KCNQ5: variants seen among roughly 807,000 people sequenced by gnomAD.
KCNQ5 encodes the protein potassium voltage-gated channel subfamily KQT member 5.
In KCNQ5, 30 loss-of-function variants were observed where a neutral mutation model predicts 98.2. The ratio of observed to expected loss-of-function variants is 0.31; its 90% CI spans 0.23 to 0.41. The LOEUF is 0.41. Ranked by LOEUF, KCNQ5 falls within the 10% of genes least tolerant of loss-of-function variation. The pLI, the probability that KCNQ5 is intolerant of heterozygous loss-of-function variation, is 1.00. For missense variants in KCNQ5, 835 were observed against 1,182.5 expected, an observed-to-expected ratio of 0.71 and a Z score of 4.31; for synonymous variants, 458 against 449.4, an observed-to-expected ratio of 1.02 and a Z score of -0.24.
intron 6 of KCNQ5, among the ~76,000 whole-genome samples, chr6:73,105,734 G>C (rs1774971274): frequency 6.6e-6 from 1 of 152,196 alleles, no homozygotes; most frequent in Non-Finnish European, 1.5e-5. Context: ...CTACTTAAGA[G>C]ACAGATGTGC....
At position 73,097,380 on chromosome 6, in the gene KCNQ5, T is replaced by C. The variant is rs142732775; in HGVS notation, c.919-7877T>C. Reference sequence around the variant, plus strand: ...ATCTCATGAGATGCAGAAACATCATTTGATCAAATTTTATTTCATAATAAA... The same window carrying C: ...ATCTCATGAGATGCAGAAACATCATCTGATCAAATTTTATTTCATAATAAA... On this transcript the variant is annotated intron_variant, in intron 5 of 13. Transcript: ENST00000370398. Among the ~76,000 whole-genome samples, 66 of 152,172 alleles carry C rather than the reference T, an allele frequency of 4.3e-4. No individual in the cohort carries two copies. In the East Asian group the frequency reaches 0.012, roughly 28 times the overall value.
chr6:72,750,489 T>C (rs1438634793), intron 1 of KCNQ5, among the ~76,000 whole-genome samples: 1 of 152,084 alleles, frequency 6.6e-6, no homozygotes, highest in East Asian at 1.9e-4. Context: ...ACAATAAAAC[T>C]AGCTGTTGCT....
intron 1 of KCNQ5, among the ~76,000 whole-genome samples, chr6:72,637,722 G>A (rs1363628265): frequency 6.6e-6 from 1 of 152,044 alleles, no homozygotes; most frequent in Non-Finnish European, 1.5e-5. Context: ...GTTCTGTTTT[G>A]GTATGTCAAA....
At chr6:72,802,972 C>T (rs139583772) in intron 1 of KCNQ5, among the ~76,000 whole-genome samples, 94 of 152,184 alleles carry the variant, frequency 6.2e-4, no homozygotes, top group Middle Eastern at 3.4e-3. Context: ...CTTCCACAGC[C>T]CTATCAACTC....
rs576953541 is a variant in KCNQ5, at chr6:73,034,908, T to A, written c.490-7028T>A. On this transcript the variant is annotated intron_variant, in intron 2 of 13. Coordinates refer to ENST00000370398, the MANE Select transcript of KCNQ5 (RefSeq NM_019842.4). ...TTGCCCAAGCTGGAGTGCAGTGGCA[T>A]GATCTCGGCTCACTGCAAGCTCCGC... Among the ~76,000 whole-genome samples, 3 of 147,914 alleles carry A rather than the reference T, an allele frequency of 2.0e-5. No individual in the cohort carries two copies. In the Admixed American group the frequency reaches 2.1e-4, roughly 10 times the overall value.
chr6:73,116,598 C>A (rs1387800353), intron 7 of KCNQ5, among the ~76,000 whole-genome samples: 1 of 152,164 alleles, frequency 6.6e-6, no homozygotes, highest in Non-Finnish European at 1.5e-5. Flanking sequence ...ATTGGTTGAG[C>A]CTGGGAGTTT....
intron 10 of KCNQ5, among the ~76,000 whole-genome samples, chr6:73,149,985 GA>G (rs1777085759): frequency 6.9e-6 from 1 of 144,312 alleles, no homozygotes; most frequent in South Asian, 2.1e-4. Context: ...AATATATAAA[GA>G]ACCCTCAAAA....
At chr6:72,625,879 TA>T (rs1232187517) in intron 1 of KCNQ5, among the ~76,000 whole-genome samples, 2 of 152,222 alleles carry the variant, frequency 1.3e-5, no homozygotes, top group Non-Finnish European at 2.9e-5. Flanking sequence ...ACCTCTCCAT[TA>T]GATGATTTGT....
At chr6:72,679,835 C>T (rs1308604329) in intron 1 of KCNQ5, among the ~76,000 whole-genome samples, 5 of 152,076 alleles carry the variant, frequency 3.3e-5, no homozygotes, top group South Asian at 4.2e-4. Flanking sequence ...GTCAGGAGTT[C>T]GAGACCAGCC....
At chr6:73,124,022 T>C (rs568259402) in intron 8 of KCNQ5, among the ~76,000 whole-genome samples, 7 of 152,286 alleles carry the variant, frequency 4.6e-5, no homozygotes, top group Admixed American at 3.3e-4. Context: ...TCCAAGGAAA[T>C]TTAGATTTTA....
chr6:72,829,783 T>C (rs1776158355), intron 1 of KCNQ5, among the ~76,000 whole-genome samples: 1 of 152,108 alleles, frequency 6.6e-6, no homozygotes, highest in African/African-American at 2.4e-5. Context: ...TGAGACAAAG[T>C]AAATTTTCAA....
At chr6:72,835,763 A>C (rs1011912971) in intron 1 of KCNQ5, among the ~76,000 whole-genome samples, 3 of 152,174 alleles carry the variant, frequency 2.0e-5, no homozygotes, top group African/African-American at 7.2e-5. Context: ...TTCTGTTTCA[A>C]ATCCATATAC....
intron 1 of KCNQ5, among the ~76,000 whole-genome samples, chr6:72,834,681 C>T (rs1314990316): frequency 6.6e-6 from 1 of 152,106 alleles, no homozygotes; most frequent in Non-Finnish European, 1.5e-5. Flanking sequence ...GTTGGCCTTC[C>T]TTCTTTTACG....
chr6:72,960,546 C>T (rs1282017047), intron 1 of KCNQ5, among the ~76,000 whole-genome samples: 1 of 152,132 alleles, frequency 6.6e-6, no homozygotes, highest in East Asian at 1.9e-4. Flanking sequence ...TCTCCTGCCT[C>T]GGCCTCCCGA....
intron 3 of KCNQ5, among the ~76,000 whole-genome samples, chr6:73,051,298 G>A (rs961788989): frequency 2.2e-4 from 33 of 151,932 alleles, no homozygotes; most frequent in African/African-American, 7.7e-4. Context: ...CAGCATGAGC[G>A]TGCACATGGA....
intron 1 of KCNQ5, among the ~76,000 whole-genome samples, chr6:72,844,220 A>G (rs1014289956): frequency 3.9e-5 from 6 of 152,204 alleles, no homozygotes; most frequent in African/African-American, 1.4e-4. Flanking sequence ...GGAGGGAATG[A>G]GCTCATCAAA....
At chr6:72,868,442 A>G (rs1778078601) in intron 1 of KCNQ5, among the ~76,000 whole-genome samples, 1 of 152,170 alleles carries the variant, frequency 6.6e-6, no homozygotes, top group Non-Finnish European at 1.5e-5. Context: ...TCTAATCATG[A>G]TACACACAGG....
intron 1 of KCNQ5, among the ~76,000 whole-genome samples, chr6:72,700,530 A>G (rs371051925): frequency 6.6e-6 from 1 of 152,200 alleles, no homozygotes; most frequent in Non-Finnish European, 1.5e-5. Flanking sequence ...GTTCTAAACC[A>G]CAGTGAAAAT....
At chr6:72,715,551 T>G (rs761302587) in intron 1 of KCNQ5, among the ~76,000 whole-genome samples, 5 of 152,150 alleles carry the variant, frequency 3.3e-5, no homozygotes, top group Admixed American at 1.3e-4. Flanking sequence ...AAGGAGCCAA[T>G]TCTAAAGTTT....
Sources: allele counts gnomAD v4.1 joint callset (sites outside exome capture counted in the v4.1 genomes callset), GRCh38; gene constraint gnomAD v4.1.1; transcripts MANE v1.5; gene names NCBI Gene and HGNC (gene_info 2026-07-23, HGNC 2026-07-21).